The following CNTLN variants were observed in gnomAD, a reference collection of about 807,000 sequenced individuals.
CNTLN encodes the protein centlein.
Under a neutral mutation model 180.0 loss-of-function variants are expected in CNTLN, and 212 were observed. That is an observed-to-expected ratio of 1.18 (90% CI 1.05 to 1.32). The LOEUF is 1.32. Among genes scored for constraint, CNTLN ranks in the 40% most tolerant of loss-of-function variants. CNTLN has a pLI of 0.00. For missense variants in CNTLN, 2,095 were observed against 1,610.9 expected (o/e 1.30, Z -5.14); for synonymous variants, 722 against 563.1 (o/e 1.28, Z -3.99).
intron 12 of CNTLN, among the ~76,000 whole-genome samples, chr9:17,363,199 C>T (rs940190116): frequency 6.6e-6 from 1 of 152,136 alleles, no homozygotes; most frequent in African/African-American, 2.4e-5. Flanking sequence ...GTGCGTGTGC[C>T]TTTATAGTAG....
At chr9:17,263,357 A>G (rs148887116) in intron 5 of CNTLN, among the ~76,000 whole-genome samples, 2,860 of 150,584 alleles carry the variant, frequency 0.019, 194 homozygotes, top group African/African-American at 0.068. Context: ...CCATGTCCCT[A>G]CAAAGGACAT....
chr9:17,246,625 C>A (rs1305050207), intron 5 of CNTLN, among the ~76,000 whole-genome samples: 1 of 152,178 alleles, frequency 6.6e-6, no homozygotes, highest in Non-Finnish European at 1.5e-5. Context: ...TGTGTCCTTC[C>A]CTTCAGTACG....
chr9:17,217,781 G>A (rs781161627), intron 2 of CNTLN, among the ~76,000 whole-genome samples: 8 of 151,924 alleles, frequency 5.3e-5, no homozygotes, highest in Non-Finnish European at 8.8e-5. Flanking sequence ...AGAAATATCT[G>A]GACAAATAGT....
At chr9:17,334,795 CTTA>C (rs1433951620) in intron 10 of CNTLN, among the ~76,000 whole-genome samples, 1 of 151,140 alleles carries the variant, frequency 6.6e-6, no homozygotes, top group Non-Finnish European at 1.5e-5. Context: ...TATAAACCTT[CTTA>C]TTGGGTACTG....
intron 8 of CNTLN, among the ~76,000 whole-genome samples, chr9:17,329,402 C>G (rs1820501287): frequency 6.6e-6 from 1 of 151,978 alleles, no homozygotes; most frequent in African/African-American, 2.4e-5. Context: ...ATCATTTAGA[C>G]TTCCTGGAAG....
intron 16 of CNTLN, among the ~76,000 whole-genome samples, chr9:17,412,619 T>C (rs1468414297): frequency 6.6e-6 from 1 of 152,168 alleles, no homozygotes; most frequent in Non-Finnish European, 1.5e-5. Context: ...AAAATAAGCT[T>C]TGTGTTAGAT....
At position 17,411,449 on chromosome 9, in the gene CNTLN, C is replaced by G. The variant is rs187128705; in HGVS notation, c.2796+1976C>G. 7.2e-5 allele frequency among the ~76,000 whole-genome samples: 11 copies of G among 152,314 alleles called. No individual in the cohort carries two copies. In the East Asian group the frequency reaches 1.9e-3, roughly 27 times the overall value. ...GGCAATAAGTAGGCACTCTTCACCT[C>G]TCCTCCTCCTATCAGGGTGATGCCA... is the stretch of plus-strand genomic sequence containing the variant. On this transcript the variant is annotated intron_variant, in intron 16 of 25. Coordinates refer to ENST00000380647, the MANE Select transcript of CNTLN (RefSeq NM_017738.4).
chr9:17,479,918 A>C (rs1384223433), intron 23 of CNTLN, among the ~76,000 whole-genome samples: 1 of 152,222 alleles, frequency 6.6e-6, no homozygotes, highest in Non-Finnish European at 1.5e-5. Context: ...AAAAGATTTA[A>C]AAAATATGGT....
intron 16 of CNTLN, among the ~76,000 whole-genome samples, chr9:17,414,588 A>G (rs1215656385): frequency 1.2e-4 from 19 of 152,200 alleles, no homozygotes; most frequent in Admixed American, 1.2e-3. Context: ...AAATATTTTG[A>G]GAAATGAAAC....
At chr9:17,312,367 T>TA (rs373156484) in intron 8 of CNTLN, among the ~76,000 whole-genome samples, 10 of 10,968 alleles carry the variant, frequency 9.1e-4, no homozygotes, top group African/African-American at 2.0e-3. Flanking sequence ...ATATATATTA[T>TA]ATATATATAT....
At chr9:17,238,617 C>T (rs770935711) in intron 5 of CNTLN, among the ~76,000 whole-genome samples, 3 of 152,104 alleles carry the variant, frequency 2.0e-5, no homozygotes, top group Admixed American at 6.6e-5. Context: ...CACGACTGTC[C>T]ATAAAAATAC....
At chr9:17,244,243 G>T (rs1174409959) in intron 5 of CNTLN, among the ~76,000 whole-genome samples, 1 of 148,376 alleles carries the variant, frequency 6.7e-6, no homozygotes, top group Non-Finnish European at 1.5e-5. Flanking sequence ...ACATGGTCTC[G>T]CTCTGTCACC....
chr9:17,518,036 CTTT>C, the CNTLN span, among the ~76,000 whole-genome samples: 6 of 69,242 alleles, frequency 8.7e-5, no homozygotes, highest in African/African-American at 1.8e-4. Flanking sequence ...TTTTCTTTTC[CTTT>C]TTTTTTTTTT....
intron 12 of CNTLN, among the ~76,000 whole-genome samples, chr9:17,362,408 A>G (rs1177218311): frequency 6.6e-6 from 1 of 152,168 alleles, no homozygotes; most frequent in African/African-American, 2.4e-5. Flanking sequence ...AGCTGCCAGT[A>G]TATATCATGG....
intron 2 of CNTLN, among the ~76,000 whole-genome samples, chr9:17,197,682 G>A (rs1014569717): frequency 1.3e-5 from 2 of 152,088 alleles, no homozygotes; most frequent in African/African-American, 4.8e-5. Flanking sequence ...CTATTCTGTG[G>A]CGTGTCTGCT....
intron 10 of CNTLN, among the ~76,000 whole-genome samples, chr9:17,335,720 T>C (rs2133157773): frequency 6.6e-6 from 1 of 152,012 alleles, no homozygotes; most frequent in African/African-American, 2.4e-5. Context: ...GGTGCATAAC[T>C]TGAGGCCAGG....
chr9:17,211,520 AT>A (rs1475626040), intron 2 of CNTLN, among the ~76,000 whole-genome samples: 5 of 152,182 alleles, frequency 3.3e-5, no homozygotes, highest in African/African-American at 1.2e-4. Context: ...TTGGCTTAGG[AT>A]TGTCTTGGCA....
chr9:17,380,552 G>C (rs549031542), intron 13 of CNTLN, among the ~76,000 whole-genome samples: 1 of 152,220 alleles, frequency 6.6e-6, no homozygotes, highest in South Asian at 2.1e-4. Flanking sequence ...AGTCTGGTTG[G>C]GGAGGGCAGC....
At chr9:17,184,752 T>A (rs749387185) in intron 2 of CNTLN, among the ~76,000 whole-genome samples, 18 of 152,182 alleles carry the variant, frequency 1.2e-4, no homozygotes, top group Non-Finnish European at 2.2e-4. Flanking sequence ...ACTCACACAA[T>A]AACCATATTC....
Sources: gnomAD v4.1 joint callset for allele counts (sites outside exome capture counted in the v4.1 genomes callset) on GRCh38, gnomAD v4.1.1 for gene constraint, MANE v1.5 for transcripts, NCBI Gene and HGNC (gene_info 2026-07-23, HGNC 2026-07-21) for gene names.